LRRC8C: variants seen among roughly 807,000 people sequenced by gnomAD.
The protein encoded by LRRC8C is volume-regulated anion channel subunit LRRC8C.
LRRC8C carries 20 observed loss-of-function variants against 55.3 expected under a neutral mutation model. That is an observed-to-expected ratio of 0.36 (90% CI 0.25 to 0.53). The LOEUF is 0.53. Among genes scored for constraint, LRRC8C ranks in the 20% least tolerant of loss-of-function variants. The pLI, the probability that LRRC8C is intolerant of heterozygous loss-of-function variation, is 0.92. For synonymous variants in LRRC8C, 376 were observed against 360.7 expected (o/e 1.04, Z -0.48); for missense variants, 659 against 951.4 (o/e 0.69, Z 4.04).
At chr1:89,694,236 C>T (rs541994704) in intron 2 of LRRC8C, among the ~76,000 whole-genome samples, 1 of 152,114 alleles carries the variant, frequency 6.6e-6, no homozygotes, top group African/African-American at 2.4e-5. Context: ...TGTCATCTAT[C>T]ACCTTGACAA....
chr1:89,620,269 C>T, the LRRC8C span, among the ~76,000 whole-genome samples: 1 of 152,164 alleles, frequency 6.6e-6, no homozygotes, highest in Admixed American at 6.5e-5. Flanking sequence ...CTTCTTAATA[C>T]TATCACACTG....
At chr1:89,627,006 C>CACGT in the LRRC8C span, among the ~76,000 whole-genome samples, 3 of 148,726 alleles carry the variant, frequency 2.0e-5, no homozygotes, top group Non-Finnish European at 3.0e-5. Flanking sequence ...CACACACACA[C>CACGT]ACGTTTAAGT....
At chr1:89,664,240 G>T (rs1657196954) in intron 1 of LRRC8C, among the ~76,000 whole-genome samples, 1 of 152,146 alleles carries the variant, frequency 6.6e-6, no homozygotes, top group Admixed American at 6.5e-5. Flanking sequence ...GAATGGTATT[G>T]TCTAGATTTT....
intron 2 of LRRC8C, among the ~76,000 whole-genome samples, chr1:89,690,431 A>G (rs1409855605): frequency 6.6e-6 from 1 of 152,142 alleles, no homozygotes; most frequent in Non-Finnish European, 1.5e-5. Flanking sequence ...GACATAGATT[A>G]GCGGGAGCAC....
chr1:89,686,354 A>T, intron 1 of LRRC8C, 116 bp from the exon 2 acceptor site: 1 of 1,028,628 alleles, frequency 9.7e-7, no homozygotes, highest in Non-Finnish European at 1.4e-6. Context: ...ATGTGTCTTG[A>T]CAGCTCTTGA....
chr1:89,659,087 G>A lies in LRRC8C; in HGVS notation c.-5+25765G>A, dbSNP rs1406646130. Among the ~76,000 whole-genome samples the A allele has an allele frequency of 2.1e-5, 3 of 142,948 alleles. No individual in the cohort carries two copies. The Admixed American group carries it at 2.1e-4, about 10-fold the overall frequency. The allele number at this position is 142,948 out of a possible 152,430, so 93.8% of individuals were successfully genotyped here. A position where few individuals can be genotyped will look rare whatever the true frequency, so the allele number is the denominator to read the frequency against. Reference sequence around the variant, plus strand: ...TGTGTGTGTGTGTGTGTGTGTGTGTGTGTGTGTGTGTGTGTGTGTGTCTGT... The same window carrying A: ...TGTGTGTGTGTGTGTGTGTGTGTGTATGTGTGTGTGTGTGTGTGTGTCTGT... On this transcript the variant is annotated intron_variant, in intron 1 of 2. Transcript: ENST00000370454.
chr1:89,620,685 C>T, the LRRC8C span, among the ~76,000 whole-genome samples: 1 of 151,874 alleles, frequency 6.6e-6, no homozygotes, highest in African/African-American at 2.4e-5. Context: ...CAGGTAAATT[C>T]AAATACTTCC....
intron 1 of LRRC8C, among the ~76,000 whole-genome samples, chr1:89,642,543 CA>C (rs1343119053): frequency 1.3e-5 from 2 of 152,068 alleles, no homozygotes; most frequent in African/African-American, 4.8e-5. Flanking sequence ...GGTGAAATCC[CA>C]CCTCTACTAA....
rs764139773 is a variant in LRRC8C, at chr1:89,713,197, C to T, written c.627C>T (p.Asn209=). 36 of 1,614,022 alleles carry T rather than the reference C, an allele frequency of 2.2e-5. No homozygotes were observed. Among genetic ancestry groups the T allele is most frequent in the Non-Finnish European group, 3.1e-5 (36 of 1,179,990 alleles). ...IQSGPEDSLV[N]SQSLKSIPEK... ...CTGGTCCAGAAGACAGCCTGGTCAA[C>T]TCTCAGTCTTTAAAGTCCATTCCTG... The change falls in exon 3 of 3, where the codon AAC becomes AAT. Residue 209 remains asparagine, a synonymous_variant. Coordinates refer to ENST00000370454, the MANE Select transcript of LRRC8C (RefSeq NM_032270.5). This position sits in a 1 kb window ranked among gnomAD's most constrained non-coding sequence, Gnocchi z 5.2.
In LRRC8C at chr1:89,715,801, G is replaced by A. The variant is rs1002114062; in HGVS notation, c.*819G>A. The A allele has an allele frequency of 6.6e-6, 1 of 152,068 alleles. No individual in the cohort carries two copies. Among genetic ancestry groups the A allele is most frequent in the African/African-American group, 2.4e-5 (1 of 41,408 alleles). 9.4% of individuals were successfully genotyped at this position (152,068 alleles called of 1,614,324 possible). A position where few individuals can be genotyped will look rare whatever the true frequency, so the allele number is the denominator to read the frequency against. On this transcript the variant is annotated 3_prime_UTR_variant, in exon 3 of 3. Coordinates refer to ENST00000370454, the MANE Select transcript of LRRC8C (RefSeq NM_032270.5). ...ATAATTAAATTTTAAAATGATAGAA[G>A]CCTGGTTTTTGAGTAATTTAATCAT...
the LRRC8C span, chr1:89,626,948 C>A: frequency 1.3e-5 from 2 of 148,446 alleles, no homozygotes; most frequent in Non-Finnish European, 2.9e-5. Context: ...AAAATTCCAA[C>A]CCTCTAGTCT....
At position 89,707,644 on chromosome 1, in the gene LRRC8C, G is replaced by T. The variant is rs531185667; in HGVS notation, c.139-5065G>T. 1.1e-4 allele frequency among the ~76,000 whole-genome samples: 14 copies of T among 122,536 alleles called. No individual in the cohort carries two copies. In the South Asian group the frequency reaches 1.6e-3, roughly 14 times the overall value. The allele number at this position is 122,536 out of a possible 152,430, so 80.4% of individuals were successfully genotyped here. A position where few individuals can be genotyped will look rare whatever the true frequency, so the allele number is the denominator to read the frequency against. On this transcript the variant is annotated intron_variant, in intron 2 of 2. Transcript: ENST00000370454. ...CATAAAAGGTGTGGCTGGTGTGTGTGTGTGTGAGTGTGTGTGTGTGTGTGT... is the reference window on the plus strand; with the variant it reads ...CATAAAAGGTGTGGCTGGTGTGTGTTTGTGTGAGTGTGTGTGTGTGTGTGT...
intron 1 of LRRC8C, among the ~76,000 whole-genome samples, chr1:89,681,323 T>G (rs1333468269): frequency 6.6e-6 from 1 of 152,242 alleles, no homozygotes; most frequent in Non-Finnish European, 1.5e-5. Flanking sequence ...TCTATCTACC[T>G]TCTCTTTAGA....
At chr1:89,676,375 T>G (rs1445767040) in intron 1 of LRRC8C, 1 of 152,242 alleles carries the variant, frequency 6.6e-6, no homozygotes, top group African/African-American at 2.4e-5. Context: ...TATTTAACTT[T>G]GAAATTATAA....
intron 1 of LRRC8C, among the ~76,000 whole-genome samples, chr1:89,657,907 G>A (rs537566623): frequency 3.9e-5 from 6 of 152,200 alleles, no homozygotes; most frequent in Middle Eastern, 3.4e-3. Flanking sequence ...TTGATAAGAC[G>A]TGTCATTAAT....
At chr1:89,626,022 T>C in the LRRC8C span, among the ~76,000 whole-genome samples, 1 of 152,354 alleles carries the variant, frequency 6.6e-6, no homozygotes, top group South Asian at 2.1e-4. Context: ...ATTTAAATGT[T>C]CCATTGTCTT....
rs894642894 is a variant in LRRC8C, at chr1:89,717,852, A to G, written c.*2870A>G. The G allele has an allele frequency of 1.3e-5, 2 of 152,150 alleles. No homozygotes were observed. Among genetic ancestry groups the G allele is most frequent in the African/African-American group, 4.8e-5 (2 of 41,462 alleles). The allele number at this position is 152,150 out of a possible 1,614,324, so 9.4% of individuals were successfully genotyped here. On this transcript the variant is annotated 3_prime_UTR_variant, in exon 3 of 3. Coordinates refer to ENST00000370454, the MANE Select transcript of LRRC8C (RefSeq NM_032270.5). Reference sequence around the variant, plus strand: ...TAACTATTATAGCTCTATTTCCCCAATCTCTATAGGACTCATGAGAGATTG... The same window carrying G: ...TAACTATTATAGCTCTATTTCCCCAGTCTCTATAGGACTCATGAGAGATTG...
intron 2 of LRRC8C, among the ~76,000 whole-genome samples, chr1:89,705,692 A>G (rs1658461736): frequency 6.6e-6 from 1 of 151,980 alleles, no homozygotes; most frequent in African/African-American, 2.4e-5. Flanking sequence ...GAGGCTGGAA[A>G]ATTCTTTAAC....
chr1:89,680,129 A>C (rs2153188), intron 1 of LRRC8C, among the ~76,000 whole-genome samples: 1 of 151,228 alleles, frequency 6.6e-6, no homozygotes, highest in African/African-American at 2.4e-5. Context: ...GCTGGATGGA[A>C]TGCAGTGGCG....
Sources: gnomAD v4.1 joint callset for allele counts (sites outside exome capture counted in the v4.1 genomes callset) on GRCh38, gnomAD v4.1.1 for gene constraint, Gnocchi (gnomAD v3.1) non-coding constraint, MANE v1.5 for transcripts, NCBI Gene and HGNC (gene_info 2026-07-23, HGNC 2026-07-21) for gene names.